Variants in RPE observed in about 807,000 individuals in gnomAD.
RPE encodes the protein ribulose-5-phosphate-3-epimerase.
RPE carries 16 observed loss-of-function variants against 24.6 expected under a neutral mutation model. The ratio of observed to expected loss-of-function variants is 0.65; its 90% CI spans 0.44 to 0.99. The LOEUF is 0.99. RPE is among the 50% of genes least tolerant of loss of function. The pLI is 0.00. For missense variants in RPE, 240 were observed against 294.5 expected, an observed-to-expected ratio of 0.81 and a Z score of 1.35; for synonymous variants, 93 against 98.4, an observed-to-expected ratio of 0.94 and a Z score of 0.33.
rs77611156 is a variant in RPE at position 210,019,124 on chromosome 2, T to A, written c.565-545T>A. 3.3e-4 allele frequency among the ~76,000 whole-genome samples: 51 copies of A among 152,330 alleles called. 2 individuals are homozygous for A. In the East Asian group the frequency reaches 8.9e-3, roughly 27 times the overall value. On this transcript the variant is annotated intron_variant, in intron 5 of 5. Coordinates refer to ENST00000359429, the MANE Select transcript of RPE (RefSeq NM_199229.3). ...ATATTTAAATGTATCTTAAAAACTT[T>A]TTTAAAGCCACTTCAAAACCATTCT... is the stretch of plus-strand genomic sequence containing the variant.
chr2:210,014,451 C>T (rs2093743330), intron 2 of RPE, among the ~76,000 whole-genome samples: 1 of 152,024 alleles, frequency 6.6e-6, no homozygotes, highest in Non-Finnish European at 1.5e-5. Context: ...ATAAGAAACA[C>T]CAGATTTAAT....
rs1239065625 is a variant in RPE at position 210,020,801 on chromosome 2, A to G, written c.*1010A>G. Reference sequence around the variant, plus strand: ...AGTAAGTGGTAATAATAAAGCAGATATTTTTGTCCCCATTTAAAAAATGAA... The same window carrying G: ...AGTAAGTGGTAATAATAAAGCAGATGTTTTTGTCCCCATTTAAAAAATGAA... On this transcript the variant is annotated 3_prime_UTR_variant, in exon 6 of 6. Coordinates refer to ENST00000359429, the MANE Select transcript of RPE (RefSeq NM_199229.3). 1 of 156,510 alleles carries G rather than the reference A, an allele frequency of 6.4e-6. No individual in the cohort carries two copies. Among genetic ancestry groups the G allele is most frequent in the Non-Finnish European group, 1.5e-5 (1 of 68,012 alleles). The allele number at this position is 156,510 out of a possible 1,614,324, so 9.7% of individuals were successfully genotyped here.
rs530049534 is a variant in RPE, at chr2:210,019,219, G to A, written c.565-450G>A. 9.2e-5 allele frequency among the ~76,000 whole-genome samples: 14 copies of A among 152,198 alleles called. 1 individual carries two copies. The highest frequency in any genetic ancestry group is 2.0e-4 in the Admixed American group (3 of 15,280). On this transcript the variant is annotated intron_variant, in intron 5 of 5. Transcript: ENST00000359429. ...AAACGAGAACTCACTTAATTTTGCC[G>A]TAGTTTATGGATAATTTTACATTTT...
chr2:210,015,592 A>G (rs898545384), intron 2 of RPE, among the ~76,000 whole-genome samples: 1 of 152,230 alleles, frequency 6.6e-6, no homozygotes, highest in Non-Finnish European at 1.5e-5. Flanking sequence ...CGATAAATTG[A>G]AAGAATAAAT....
At chr2:210,008,154 A>G (rs184814478) in intron 1 of RPE, among the ~76,000 whole-genome samples, 2 of 152,308 alleles carry the variant, frequency 1.3e-5, no homozygotes, top group African/African-American at 4.8e-5. Context: ...CGATAGCAGT[A>G]GGGTTGTGAA....
At chr2:210,015,695 C>T (rs1334357938) in intron 2 of RPE, among the ~76,000 whole-genome samples, 1 of 152,136 alleles carries the variant, frequency 6.6e-6, no homozygotes, top group East Asian at 1.9e-4. Flanking sequence ...TTTCCTGGAC[C>T]TGGACCTAGA....
intron 2 of RPE, among the ~76,000 whole-genome samples, chr2:210,015,289 A>G (rs144144370): frequency 4.5e-4 from 68 of 152,250 alleles, no homozygotes; most frequent in African/African-American, 1.1e-3. Flanking sequence ...GGTTATTGCT[A>G]TCGTAGCTTC....
At chr2:210,002,859 A>G in intron 1 of RPE, 76 bp downstream of exon 1, 3 of 1,610,140 alleles carry the variant, frequency 1.9e-6, no homozygotes, top group Non-Finnish European at 2.5e-6. Flanking sequence ...TGCTTGTTGG[A>G]TGTACCGCGT....
intron 2 of RPE, among the ~76,000 whole-genome samples, chr2:210,010,579 A>G (rs1272929220): frequency 1.3e-5 from 2 of 152,160 alleles, no homozygotes; most frequent in Admixed American, 6.5e-5. Context: ...AGTTTTTTTA[A>G]CGTAGCTTAC....
chr2:210,007,231 T>A (rs2093642574), intron 1 of RPE, among the ~76,000 whole-genome samples: 2 of 152,212 alleles, frequency 1.3e-5, no homozygotes, highest in African/African-American at 4.8e-5. Flanking sequence ...ACATATAAGT[T>A]TGGTTTTTAT....
rs202194993 is a variant in RPE, at chr2:210,010,281, CTCCAATG to C, written c.202+549_202+555del. Among the ~76,000 whole-genome samples the C allele has an allele frequency of 9.3e-3, 1,416 of 152,278 alleles. 21 individuals are homozygous for C. Among genetic ancestry groups the C allele is most frequent in the African/African-American group, 0.029 (1,218 of 41,546 alleles). On this transcript the variant is annotated intron_variant, in intron 2 of 5. Coordinates refer to ENST00000359429, the MANE Select transcript of RPE (RefSeq NM_199229.3). ...TCTACAAGTGGTGCCTAAATATTCACTCCAATGTCCTAGTACAATGTAAATTAAGATT... is the reference window on the plus strand; with the variant it reads ...TCTACAAGTGGTGCCTAAATATTCACTCCTAGTACAATGTAAATTAAGATT...
At chr2:210,018,741 G>C in intron 5 of RPE, 1 of 978,480 alleles carries the variant, frequency 1.0e-6, no homozygotes. Context: ...TGAAAAATCA[G>C]ACCTTGGCGA....
chr2:210,017,615 G>T, intron 5 of RPE, 56 bp downstream of exon 5: 2 of 1,519,764 alleles, frequency 1.3e-6, no homozygotes, highest in South Asian at 1.1e-5. Flanking sequence ...ATGTCTCCAG[G>T]ACATTGTCTC....
At chr2:210,003,422 T>C in intron 1 of RPE, 3 of 1,282,942 alleles carry the variant, frequency 2.3e-6, no homozygotes, top group South Asian at 1.2e-5. Context: ...GATTTTCCTG[T>C]CTATTTTCTC....
chr2:210,017,517 C>T lies in RPE; in HGVS notation c.522C>T (p.Val174=), dbSNP rs561241245. 93 of 1,579,310 alleles carry T rather than the reference C, an allele frequency of 5.9e-5. No homozygotes were observed. In the South Asian group the frequency reaches 7.2e-4, roughly 12 times the overall value. Residue 174 remains valine (V), a synonymous_variant, in exon 5 of 6, where the codon GTC becomes GTT. Transcript: ENST00000359429. ...RTQFPSLDIE[V]DGGVGPDTVH... Reference sequence around the variant, plus strand: ...AGTTCCCATCTTTGGATATAGAGGTCGATGGTGGAGTAGGTCCTGACACTG... The same window carrying T: ...AGTTCCCATCTTTGGATATAGAGGTTGATGGTGGAGTAGGTCCTGACACTG...
chr2:210,020,034 G>C lies in RPE; in HGVS notation c.*243G>C, dbSNP rs781573886. The C allele has an allele frequency of 8.6e-5, 28 of 325,994 alleles. No individual in the cohort carries two copies. Among genetic ancestry groups the C allele is most frequent in the Non-Finnish European group, 1.5e-4 (27 of 176,744 alleles). 20.2% of individuals were successfully genotyped at this position (325,994 alleles called of 1,614,324 possible). On this transcript the variant is annotated 3_prime_UTR_variant, in exon 6 of 6. Transcript: ENST00000359429. The stretch of plus-strand genomic sequence containing the variant: ...AGATACTGTTTTTATTGAGAGATTT[G>C]ATTTTTATAAAGTAAAAATACGGCT...
chr2:210,016,510 G>A lies in RPE; in HGVS notation c.346G>A (p.Gly116Ser). 1 of 1,614,246 alleles carries A rather than the reference G, an allele frequency of 6.2e-7. No individual in the cohort carries two copies. The highest frequency in any genetic ancestry group is 8.5e-7 in the Non-Finnish European group (1 of 1,180,052). The stretch of plus-strand genomic sequence containing the variant: ...AGCATATTTGTGTCTGTTACAGGTT[G>A]GCCTTGCCATCAAACCAGGAACCTC... ...KDIRENGMKV[G>S]LAIKPGTSVE... is the part of the protein sequence containing the mutation. Residue 116 changes from glycine to serine, a missense_variant, in exon 4 of 6, where the codon GGC becomes AGC. By Grantham distance (56) the Gly-to-Ser change is moderately conservative. Transcript: ENST00000359429.
intron 5 of RPE, chr2:210,018,743 C>G (rs1325136045): frequency 1.0e-6 from 1 of 975,202 alleles, no homozygotes; most frequent in Non-Finnish European, 1.2e-6. Context: ...AAAAATCAGA[C>G]CTTGGCGATG....
rs2093855422 is a variant in RPE, at chr2:210,021,515, T to C, written c.*1724T>C. ...AGTTTATTTGCCTGGACAACTTGGG[T>C]TTGTCTGGCTTTTGTTTTCTTTTTC... is the stretch of plus-strand genomic sequence containing the variant. On this transcript the variant is annotated 3_prime_UTR_variant, in exon 6 of 6. Coordinates refer to ENST00000359429, the MANE Select transcript of RPE (RefSeq NM_199229.3). 6.6e-6 allele frequency: 1 copy of C among 152,528 alleles called. No homozygotes were observed. The highest frequency in any genetic ancestry group is 1.5e-5 in the Non-Finnish European group (1 of 67,962). 9.4% of individuals were successfully genotyped at this position (152,528 alleles called of 1,614,324 possible).
Sources: gnomAD v4.1 joint callset for allele counts (sites outside exome capture counted in the v4.1 genomes callset) on GRCh38, gnomAD v4.1.1 for gene constraint, MANE v1.5 for transcripts, NCBI Gene and HGNC (gene_info 2026-07-23, HGNC 2026-07-21) for gene names.